The following ESRRB variants were observed in gnomAD, a reference collection of about 807,000 sequenced individuals.
ESRRB encodes steroid hormone receptor ERR2.
A neutral mutation model predicts 46.0 loss-of-function variants in ESRRB; 16 were observed. The observed-to-expected ratio is 0.35, with a 90% CI of 0.24 to 0.53. The LOEUF is 0.53. ESRRB is among the 20% of genes least tolerant of loss of function. The probability of loss-of-function intolerance (pLI) is 0.93; values close to 1 mark genes in which losing one functional copy is unlikely to be tolerated. For synonymous variants in ESRRB, 246 were observed against 259.6 expected, an observed-to-expected ratio of 0.95 and a Z score of 0.50; for missense variants, 488 against 607.4, an observed-to-expected ratio of 0.80 and a Z score of 2.07.
At chr14:76,379,190 A>G (rs1884904759) in intron 1 of ESRRB, among the ~76,000 whole-genome samples, 1 of 152,166 alleles carries the variant, frequency 6.6e-6, no homozygotes, top group African/African-American at 2.4e-5. Context: ...CCAATCCTGT[A>G]GGTGACTCCA....
chr14:76,426,904 A>G (rs1887227398), intron 1 of ESRRB, among the ~76,000 whole-genome samples: 2 of 152,182 alleles, frequency 1.3e-5, no homozygotes, highest in Admixed American at 6.5e-5. Context: ...TTTAAAGACA[A>G]TGGTAGTTGA....
At chr14:76,486,405 A>C (rs1890020410) in intron 5 of ESRRB, among the ~76,000 whole-genome samples, 1 of 152,132 alleles carries the variant, frequency 6.6e-6, no homozygotes, top group Non-Finnish European at 1.5e-5. Flanking sequence ...GACTCAATGA[A>C]ATATGAGCTG....
upstream of ESRRB, among the ~76,000 whole-genome samples, chr14:76,369,282 T>C: frequency 7.5e-6 from 1 of 133,916 alleles, no homozygotes. Context: ...TCTTTGAGGT[T>C]TTTTTTTTTT....
chr14:76,439,834 C>T (rs1887844201), intron 2 of ESRRB, 84 bp downstream of exon 2: 1 of 1,466,092 alleles, frequency 6.8e-7, no homozygotes, highest in Admixed American at 1.9e-5. Flanking sequence ...CCTAGGAATT[C>T]CCAGAGACTG....
At chr14:76,365,222 C>G (rs1884506447) in intron 1 of ESRRB, among the ~76,000 whole-genome samples, 1 of 152,224 alleles carries the variant, frequency 6.6e-6, no homozygotes, top group African/African-American at 2.4e-5. Context: ...CGCCTGTCAT[C>G]CCAGCACTGT....
chr14:76,395,730 C>A (rs1241193601), intron 1 of ESRRB, among the ~76,000 whole-genome samples: 1 of 151,628 alleles, frequency 6.6e-6, no homozygotes, highest in Non-Finnish European at 1.5e-5. Flanking sequence ...ACGGCTATGA[C>A]CATTCAAAAG....
chr14:76,371,088 G>C (rs1884613650), upstream of ESRRB, among the ~76,000 whole-genome samples: 1 of 152,182 alleles, frequency 6.6e-6, no homozygotes, highest in African/African-American at 2.4e-5. Flanking sequence ...TTGGTGTCGT[G>C]GCAGCAGTGC....
intron 2 of ESRRB, among the ~76,000 whole-genome samples, chr14:76,444,743 T>C (rs1194722037): frequency 6.6e-6 from 1 of 152,156 alleles, no homozygotes; most frequent in Non-Finnish European, 1.5e-5. Flanking sequence ...AGCACTGTGC[T>C]CCAAACCAGG....
At chr14:76,359,537 A>G (rs1884438648) in intron 1 of ESRRB, among the ~76,000 whole-genome samples, 4 of 152,184 alleles carry the variant, frequency 2.6e-5, no homozygotes, top group Admixed American at 2.0e-4. Flanking sequence ...AGAGTTGAGT[A>G]GAGTAGCTCC....
intron 1 of ESRRB, among the ~76,000 whole-genome samples, chr14:76,410,625 G>A (rs940383140): frequency 6.6e-6 from 1 of 152,142 alleles, no homozygotes; most frequent in African/African-American, 2.4e-5. Flanking sequence ...GATCCAAATT[G>A]TGAATGATCT....
intron 1 of ESRRB, among the ~76,000 whole-genome samples, chr14:76,388,337 C>T (rs1488238882): frequency 6.6e-6 from 1 of 151,994 alleles, no homozygotes; most frequent in African/African-American, 2.4e-5. Context: ...TGCCACCATG[C>T]CTGGCTAATT....
At chr14:76,386,126 C>T (rs1342750544) in intron 1 of ESRRB, among the ~76,000 whole-genome samples, 2 of 152,092 alleles carry the variant, frequency 1.3e-5, no homozygotes, top group Admixed American at 6.6e-5. Context: ...CAATATGGCT[C>T]GCGTGTCAAT....
chr14:76,481,969 G>C lies in ESRRB; in HGVS notation c.578-47G>C. The C allele has an allele frequency of 2.6e-6, 4 of 1,552,290 alleles. No individual in the cohort carries two copies. The South Asian group carries it at 4.5e-5, about 17-fold the overall frequency. On this transcript the variant is annotated intron_variant, in intron 3 of 6. Coordinates refer to ENST00000644823, the MANE Select transcript of ESRRB (RefSeq NM_001379180.1). ...TTCCAAAGTCAGTGCTTCTACCCTG[G>C]TGATGTTGAACAACTGCTGAGATCT...
intron 1 of ESRRB, among the ~76,000 whole-genome samples, chr14:76,349,429 G>A (rs946467183): frequency 6.6e-6 from 1 of 152,224 alleles, no homozygotes; most frequent in African/African-American, 2.4e-5. Flanking sequence ...TGTCCAGAGG[G>A]ATGCACTGGT....
At chr14:76,469,469 A>G (rs899827808) in intron 3 of ESRRB, among the ~76,000 whole-genome samples, 1 of 152,182 alleles carries the variant, frequency 6.6e-6, no homozygotes, top group African/African-American at 2.4e-5. Context: ...CTACTGGATC[A>G]TTTCATTAGC....
At chr14:76,396,243 T>G (rs934946605) in intron 1 of ESRRB, among the ~76,000 whole-genome samples, 1 of 152,102 alleles carries the variant, frequency 6.6e-6, no homozygotes, top group Admixed American at 6.5e-5. Flanking sequence ...TGGACTGAGA[T>G]AAAAATACAG....
At chr14:76,484,064 C>T (rs1215158050) in intron 5 of ESRRB, among the ~76,000 whole-genome samples, 3 of 152,222 alleles carry the variant, frequency 2.0e-5, no homozygotes, top group African/African-American at 7.2e-5. Context: ...CCATGTTGGC[C>T]AAGCTGGTCT....
chr14:76,408,618 A>G (rs958340999), intron 1 of ESRRB, among the ~76,000 whole-genome samples: 5 of 144,978 alleles, frequency 3.4e-5, no homozygotes, highest in African/African-American at 1.3e-4. Context: ...AAAAAAAAAA[A>G]GATAAGCACT....
intron 1 of ESRRB, chr14:76,404,440 AT>A (rs1886083826): frequency 6.6e-6 from 1 of 152,014 alleles, no homozygotes. Context: ...CCCTGCCAAA[AT>A]GGTGTCCAGA....
Sources: gnomAD v4.1 joint callset for allele counts (sites outside exome capture counted in the v4.1 genomes callset) on GRCh38, gnomAD v4.1.1 for gene constraint, MANE v1.5 for transcripts, NCBI Gene and HGNC (gene_info 2026-07-23, HGNC 2026-07-21) for gene names.